CRACD: variants seen among roughly 807,000 people sequenced by gnomAD.
CRACD encodes the protein capping protein-inhibiting regulator of actin dynamics.
CRACD carries 56 observed loss-of-function variants against 106.8 expected under a neutral mutation model. The ratio of observed to expected loss-of-function variants is 0.52; its 90% CI spans 0.42 to 0.66. The LOEUF is 0.66. Among genes scored for constraint, CRACD ranks in the 30% least tolerant of loss-of-function variants. The probability of loss-of-function intolerance (pLI) is 0.00; values close to 1 mark genes in which losing one functional copy is unlikely to be tolerated. For missense variants in CRACD, 1,730 were observed against 1,623.2 expected (o/e 1.07, Z -1.13); for synonymous variants, 754 against 670.8 (o/e 1.12, Z -1.92).
intron 1 of CRACD, among the ~76,000 whole-genome samples, chr4:56,099,363 T>C (rs1197480637): frequency 6.6e-6 from 1 of 152,236 alleles, no homozygotes; most frequent in Non-Finnish European, 1.5e-5. Flanking sequence ...ACCTGTTCTT[T>C]TGGGACATGC....
intron 2 of CRACD, among the ~76,000 whole-genome samples, chr4:56,216,986 C>CAAAAA (rs369354563): frequency 4.5e-5 from 3 of 66,268 alleles, no homozygotes; most frequent in African/African-American, 7.1e-5. Flanking sequence ...GACTCCGTCT[C>CAAAAA]AAAAAAAAAA....
At chr4:56,307,112 G>C (rs1744775902) in intron 4 of CRACD, among the ~76,000 whole-genome samples, 1 of 152,198 alleles carries the variant, frequency 6.6e-6, no homozygotes, top group Non-Finnish European at 1.5e-5. Flanking sequence ...ATTTCCCTCA[G>C]TGGTTCCTAC....
In CRACD at chr4:56,297,272, TTGTC is replaced by T. The variant is rs376270064; in HGVS notation, c.-16-939_-16-936del. 4.9e-4 allele frequency among the ~76,000 whole-genome samples: 75 copies of T among 152,260 alleles called. No individual in the cohort carries two copies. In the East Asian group the frequency reaches 6.9e-3, roughly 14 times the overall value. On this transcript the variant is annotated intron_variant, in intron 3 of 10. Transcript: ENST00000682029. Reference sequence around the variant, plus strand: ...TGCATTTCACACGGCTTATACCTCATTGTCTGGTAGAAGTCCAGACTTCCTCCAA... The same window carrying T: ...TGCATTTCACACGGCTTATACCTCATTGGTAGAAGTCCAGACTTCCTCCAA...
chr4:56,079,334 A>C (rs1732947564), intron 1 of CRACD, among the ~76,000 whole-genome samples: 1 of 151,326 alleles, frequency 6.6e-6, no homozygotes, highest in Non-Finnish European at 1.5e-5. Flanking sequence ...AAAAATTTTA[A>C]TTGCTTCATG....
chr4:56,126,922 A>T (rs1734678745), intron 1 of CRACD, among the ~76,000 whole-genome samples: 1 of 152,158 alleles, frequency 6.6e-6, no homozygotes, highest in Admixed American at 6.5e-5. Context: ...TTCTATTCTC[A>T]TGAAAAAGAA....
chr4:56,314,267 G>A lies in CRACD; in HGVS notation c.765G>A (p.Ala255=), dbSNP rs1220837817. The A allele has an allele frequency of 1.9e-6, 3 of 1,565,818 alleles. No individual in the cohort carries two copies. The highest frequency in any genetic ancestry group is 1.7e-4 in the Middle Eastern group (1 of 5,996). ...GCCTAGAGGAGCAGAGGCTGCAGGC[G>A]CTGGAGAGGAGGCTTTGGGAAGAGA... ...KRRLEEQRLQ[A]LERRLWEENR... Residue 255 remains alanine, a synonymous_variant, in exon 8 of 11, where the codon GCG becomes GCA. Transcript: ENST00000682029. The surrounding 1 kb of genome is among the most constrained non-coding windows in gnomAD (Gnocchi z 4.4).
chr4:56,320,957 C>T (rs1426564433), intron 8 of CRACD: 1 of 189,938 alleles, frequency 5.3e-6, no homozygotes, highest in Non-Finnish European at 1.1e-5. Flanking sequence ...ATCTGAATTC[C>T]ACATTGTGGT....
In CRACD at chr4:56,307,628, G is replaced by A. The variant is rs1166447183; in HGVS notation, c.214G>A (p.Asp72Asn). 1.2e-6 allele frequency: 2 copies of A among 1,614,190 alleles called. No homozygotes were observed. Among genetic ancestry groups the A allele is most frequent in the African/African-American group, 2.7e-5 (2 of 75,060 alleles). The change falls in exon 5 of 11, where the codon GAT (aspartate) becomes AAT (asparagine). Residue 72 changes from aspartate (D) to asparagine (N), a missense_variant. By Grantham distance (23) the Asp-to-Asn change is conservative. Coordinates refer to ENST00000682029, the MANE Select transcript of CRACD (RefSeq NM_001393381.1). Reference protein sequence around the residue: ...ANSGEASLEEDLFLTSPMEIV... With the variant: ...ANSGEASLEENLFLTSPMEIV... ...CAGTGGAGAGGCTAGCTTAGAAGAG[G>A]ATCTGTTCCTGACCAGTCCCATGGA...
intron 3 of CRACD, among the ~76,000 whole-genome samples, chr4:56,296,613 A>G (rs1011990881): frequency 2.0e-5 from 3 of 152,204 alleles, no homozygotes; most frequent in Admixed American, 6.5e-5. Context: ...CCTGCCCCCA[A>G]CGCTGGCTAT....
chr4:56,283,329 CATA>C (rs897826442), intron 3 of CRACD, among the ~76,000 whole-genome samples: 1 of 152,190 alleles, frequency 6.6e-6, no homozygotes, highest in African/African-American at 2.4e-5. Context: ...GACCTAGAAG[CATA>C]GTGTGGTAGC....
At chr4:56,053,961 T>C (rs964624829) in intron 1 of CRACD, among the ~76,000 whole-genome samples, 1 of 152,190 alleles carries the variant, frequency 6.6e-6, no homozygotes, top group Non-Finnish European at 1.5e-5. Context: ...CCTCAAAATA[T>C]ACTTTGCAGC....
chr4:56,121,154 T>C (rs1295372008), intron 1 of CRACD, among the ~76,000 whole-genome samples: 1 of 152,242 alleles, frequency 6.6e-6, no homozygotes, highest in East Asian at 1.9e-4. Context: ...ATCATTATTG[T>C]CTTGATATTT....
intron 2 of CRACD, among the ~76,000 whole-genome samples, chr4:56,267,744 C>T (rs1030872338): frequency 1.3e-5 from 2 of 152,314 alleles, no homozygotes; most frequent in East Asian, 3.9e-4. Context: ...TATAAGTGCA[C>T]TGTCTGACAC....
At chr4:56,116,238 C>T (rs1464847482) in intron 1 of CRACD, among the ~76,000 whole-genome samples, 1 of 152,062 alleles carries the variant, frequency 6.6e-6, no homozygotes, top group Non-Finnish European at 1.5e-5. Flanking sequence ...ATGTTCTGGT[C>T]TCCTAATGGC....
chr4:56,205,038 C>G (rs1198783474), intron 2 of CRACD, among the ~76,000 whole-genome samples: 1 of 152,086 alleles, frequency 6.6e-6, no homozygotes, highest in East Asian at 1.9e-4. Flanking sequence ...TGCCTGTAGT[C>G]CCAGCTACTT....
rs565920613 is a variant in CRACD, at chr4:56,315,182, C to A, written c.1680C>A (p.Pro560=). The part of the protein sequence containing the change: ...FPKVNLSPVT[P]AKDTGLTAAP... ...AAGTCAACCTGAGCCCCGTGACGCC[C>A]GCAAAGGACACGGGGCTCACCGCTG... Residue 560 remains proline, a synonymous_variant, in exon 8 of 11, where the codon CCC becomes CCA. Transcript: ENST00000682029. The surrounding 1 kb of genome is among the most constrained non-coding windows in gnomAD (Gnocchi z 4.1). 1 of 1,597,170 alleles carries A rather than the reference C, an allele frequency of 6.3e-7. No individual in the cohort carries two copies. Among genetic ancestry groups the A allele is most frequent in the South Asian group, 1.1e-5 (1 of 88,524 alleles).
intron 3 of CRACD, among the ~76,000 whole-genome samples, chr4:56,278,695 G>A (rs1742817277): frequency 6.6e-6 from 1 of 151,990 alleles, no homozygotes; most frequent in African/African-American, 2.4e-5. Context: ...CATCAAGAAA[G>A]TTATAAAACA....
At chr4:56,265,870 T>G (rs1161621708) in intron 2 of CRACD, among the ~76,000 whole-genome samples, 1 of 152,138 alleles carries the variant, frequency 6.6e-6, no homozygotes, top group Non-Finnish European at 1.5e-5. Context: ...ATTGGATGCT[T>G]TTATTATTGT....
intron 6 of CRACD, chr4:56,310,986 A>G (rs1560531411): frequency 2.1e-6 from 1 of 471,000 alleles, no homozygotes; most frequent in Non-Finnish European, 3.8e-6. Context: ...TTGGGGTCCT[A>G]GAAGTTGGTA....
Sources: allele counts gnomAD v4.1 joint callset (sites outside exome capture counted in the v4.1 genomes callset), GRCh38; gene constraint gnomAD v4.1.1; non-coding constraint Gnocchi (gnomAD v3.1); transcripts MANE v1.5; gene names NCBI Gene and HGNC (gene_info 2026-07-23, HGNC 2026-07-21).